SUSD6: variants seen among roughly 807,000 people sequenced by gnomAD.
The protein encoded by SUSD6 is sushi domain containing 6, also known as sushi domain-containing protein 6.
A neutral mutation model predicts 28.4 loss-of-function variants in SUSD6; 16 were observed. The observed-to-expected ratio is 0.56, with a 90% CI of 0.38 to 0.86. The LOEUF (loss-of-function observed/expected upper bound fraction) is 0.86. SUSD6 is among the 40% of genes least tolerant of loss of function. The pLI, the probability that SUSD6 is intolerant of heterozygous loss-of-function variation, is 0.00. For missense variants in SUSD6, 341 were observed against 384.2 expected, an observed-to-expected ratio of 0.89 and a Z score of 0.94; for synonymous variants, 147 against 159.6, an observed-to-expected ratio of 0.92 and a Z score of 0.59.
chr14:69,634,821 A>G (rs1885241254), intron 1 of SUSD6, among the ~76,000 whole-genome samples: 1 of 152,128 alleles, frequency 6.6e-6, no homozygotes, highest in Non-Finnish European at 1.5e-5. Flanking sequence ...TACTGTTGGG[A>G]TGAAGGGATA....
intron 2 of SUSD6, among the ~76,000 whole-genome samples, chr14:69,680,717 GC>G (rs1566602376): frequency 6.6e-6 from 1 of 152,096 alleles, no homozygotes; most frequent in East Asian, 1.9e-4. Context: ...TGTGGTATGT[GC>G]CCCCAAAGCC....
rs1351672198 is a variant in SUSD6, at chr14:69,704,719, G to A, written c.435G>A (p.Lys145=). The A allele has an allele frequency of 1.2e-6, 2 of 1,614,134 alleles. No homozygotes were observed. Among genetic ancestry groups the A allele is most frequent in the Non-Finnish European group, 8.5e-7 (1 of 1,180,008 alleles). The part of the protein sequence containing the change: ...LVVLFVLLQP[K]LKSFHHSRRD... ...TGCTGTTTGTGCTGCTGCAGCCAAA[G>A]CTGAAGTCTTTCCATCATAGCAGGT... Residue 145 remains lysine (K), a synonymous_variant, in exon 4 of 6, where the codon AAG becomes AAA. Coordinates refer to ENST00000342745, the MANE Select transcript of SUSD6 (RefSeq NM_014734.4).
At chr14:69,650,226 G>C (rs1285373004) in intron 1 of SUSD6, among the ~76,000 whole-genome samples, 1 of 152,112 alleles carries the variant, frequency 6.6e-6, no homozygotes, top group Non-Finnish European at 1.5e-5. Flanking sequence ...TCTAGTGGGG[G>C]TCAGTCACGG....
chr14:69,696,652 T>C (rs1886228940), intron 2 of SUSD6, among the ~76,000 whole-genome samples: 1 of 152,224 alleles, frequency 6.6e-6, no homozygotes, highest in Non-Finnish European at 1.5e-5. Flanking sequence ...TTTCCACTGT[T>C]TTCAGATCCC....
At chr14:69,703,315 C>A in intron 2 of SUSD6, 80 bp from the exon 3 acceptor site, 1 of 1,084,204 alleles carries the variant, frequency 9.2e-7, no homozygotes, top group Non-Finnish European at 1.4e-6. Context: ...CCTGTAGAGG[C>A]CTTCAGAGCT....
rs1444137844 is a variant in SUSD6, at chr14:69,710,892, C to T, written c.887-62C>T. On this transcript the variant is annotated intron_variant, in intron 5 of 5. Transcript: ENST00000342745. ...GATAGCCCCTAAGTTGCAGTGGGGTCGAGAGTGCTCTAGAGTTCCACACAA... is the reference window on the plus strand; with the variant it reads ...GATAGCCCCTAAGTTGCAGTGGGGTTGAGAGTGCTCTAGAGTTCCACACAA... The T allele has an allele frequency of 3.9e-6, 6 of 1,534,232 alleles. No homozygotes were observed. The East Asian group carries it at 6.7e-5, about 17-fold the overall frequency.
chr14:69,620,808 C>T (rs1885025434), intron 1 of SUSD6, among the ~76,000 whole-genome samples: 1 of 152,094 alleles, frequency 6.6e-6, no homozygotes, highest in Admixed American at 6.5e-5. Context: ...TGTTTTCAGA[C>T]CTTGACATAT....
intron 2 of SUSD6, among the ~76,000 whole-genome samples, chr14:69,663,843 C>A (rs994128224): frequency 1.3e-5 from 2 of 152,066 alleles, no homozygotes; most frequent in African/African-American, 4.8e-5. Context: ...TTTTGTATTT[C>A]CTGTTTGAAG....
At position 69,623,136 on chromosome 14, in the gene SUSD6, C is replaced by G. The variant is rs74060230; in HGVS notation, c.-81+11308C>G. Among the ~76,000 whole-genome samples the G allele has an allele frequency of 9.4e-3, 1,437 of 152,306 alleles. 23 individuals carry two copies. The highest frequency in any genetic ancestry group is 0.033 in the African/African-American group (1,353 of 41,562). On this transcript the variant is annotated intron_variant, in intron 1 of 5. Transcript: ENST00000342745. Reference sequence around the variant, plus strand: ...GATTAACTTGCCAAGGAACAGCAAACAGCAACATGATAGCAACAGCCCCTT... The same window carrying G: ...GATTAACTTGCCAAGGAACAGCAAAGAGCAACATGATAGCAACAGCCCCTT...
intron 2 of SUSD6, among the ~76,000 whole-genome samples, chr14:69,685,953 C>T (rs949642686): frequency 1.9e-4 from 29 of 152,246 alleles, no homozygotes; most frequent in African/African-American, 6.8e-4. Context: ...CAGCAGCACA[C>T]TCTGAGCAGC....
At chr14:69,668,795 C>A (rs536163644) in intron 2 of SUSD6, among the ~76,000 whole-genome samples, 1 of 152,096 alleles carries the variant, frequency 6.6e-6, no homozygotes, top group African/African-American at 2.4e-5. Context: ...TGATGGTGAG[C>A]TCTCTGAGTT....
chr14:69,658,031 A>C (rs1176327490), intron 1 of SUSD6, among the ~76,000 whole-genome samples: 1 of 152,234 alleles, frequency 6.6e-6, no homozygotes, highest in East Asian at 1.9e-4. Context: ...GCAGTTTAGC[A>C]AGCAGGCTGG....
chr14:69,634,150 A>G (rs1025614171), intron 1 of SUSD6, among the ~76,000 whole-genome samples: 3 of 152,244 alleles, frequency 2.0e-5, no homozygotes, highest in Non-Finnish European at 4.4e-5. Context: ...TGGTGAGGCC[A>G]GATGCCTCTG....
chr14:69,709,864 A>G (rs1356278689), intron 5 of SUSD6, among the ~76,000 whole-genome samples: 3 of 152,212 alleles, frequency 2.0e-5, no homozygotes, highest in Non-Finnish European at 4.4e-5. Flanking sequence ...TCAGGATGAG[A>G]CTAACCCTAG....
intron 1 of SUSD6, among the ~76,000 whole-genome samples, chr14:69,642,504 C>A (rs889593362): frequency 3.9e-5 from 6 of 152,074 alleles, no homozygotes; most frequent in Non-Finnish European, 7.4e-5. Flanking sequence ...AAGTGAAAGG[C>A]ACTTCTTACA....
At position 69,658,782 on chromosome 14, in the gene SUSD6, A is replaced by G. The variant is rs1885621885; in HGVS notation, c.121+69A>G. On this transcript the variant is annotated intron_variant, in intron 2 of 5. Transcript: ENST00000342745. ...AATACCATTGTTTCTCTCGAAGACT[A>G]GGACAGGGGACTCTCCTCCTGGCAG... The G allele has an allele frequency of 3.8e-6, 6 of 1,599,702 alleles. No individual in the cohort carries two copies. In the East Asian group the frequency reaches 1.3e-4, roughly 36 times the overall value.
chr14:69,700,213 T>C (rs1167340097), intron 2 of SUSD6, among the ~76,000 whole-genome samples: 1 of 152,208 alleles, frequency 6.6e-6, no homozygotes, highest in Non-Finnish European at 1.5e-5. Context: ...AGAAATGATT[T>C]TGAGGCTGCT....
intron 1 of SUSD6, among the ~76,000 whole-genome samples, chr14:69,648,018 C>T (rs1230045346): frequency 1.3e-5 from 2 of 152,052 alleles, no homozygotes; most frequent in South Asian, 2.1e-4. Context: ...GGATTTGGAA[C>T]CAGAGAAGCT....
intron 5 of SUSD6, among the ~76,000 whole-genome samples, chr14:69,710,213 CCCTCCTCTT>C (rs1226370128): frequency 1.3e-5 from 2 of 152,148 alleles, no homozygotes; most frequent in Admixed American, 6.5e-5. Flanking sequence ...CAAGGTGGGG[CCCTCCTCTT>C]CCTCCTCTTC....
Sources: allele counts gnomAD v4.1 joint callset (sites outside exome capture counted in the v4.1 genomes callset), GRCh38; gene constraint gnomAD v4.1.1; transcripts MANE v1.5; gene names NCBI Gene and HGNC (gene_info 2026-07-23, HGNC 2026-07-21).